Variants in RAB7A observed in about 807,000 individuals in gnomAD.
The protein encoded by RAB7A is ras-related protein Rab-7a.
In RAB7A, 2 loss-of-function variants were observed where a neutral mutation model predicts 24.5. That is an observed-to-expected ratio of 0.08 (90% CI 0.03 to 0.26). RAB7A has a LOEUF of 0.26. Among genes scored for constraint, RAB7A ranks in the 10% least tolerant of loss-of-function variants. The pLI is 1.00. For synonymous variants in RAB7A, 100 were observed against 95.9 expected (o/e 1.04, Z -0.25); for missense variants, 118 against 255.7 (o/e 0.46, Z 3.67).
At chr3:128,803,001 G>A (rs9883276) in intron 3 of RAB7A, among the ~76,000 whole-genome samples, 8,129 of 152,102 alleles carry the variant, frequency 0.053, 623 homozygotes, top group African/African-American at 0.17. Context: ...GTAGAAACGG[G>A]GTTTCACCAT....
At chr3:128,795,751 C>CTTTTTTTTTTTTTTTTTT (rs71153147) in intron 2 of RAB7A, among the ~76,000 whole-genome samples, 2,458 of 43,006 alleles carry the variant, frequency 0.057, 1,069 homozygotes, top group Non-Finnish European at 0.085. Context: ...AGCAGATGTG[C>CTTTTTTTTTTTTTTTTTT]TTTTTTTTTT....
At chr3:128,781,392 T>C (rs1933214910) in intron 1 of RAB7A, among the ~76,000 whole-genome samples, 1 of 152,172 alleles carries the variant, frequency 6.6e-6, no homozygotes, top group South Asian at 2.1e-4. Context: ...CAGCTGCCAC[T>C]TGGGGTAGCT....
intron 5 of RAB7A, among the ~76,000 whole-genome samples, chr3:128,809,995 C>T (rs1193279953): frequency 1.8e-5 from 2 of 108,740 alleles, no homozygotes; most frequent in African/African-American, 7.1e-5. Flanking sequence ...GTTCCCCAGG[C>T]TGGAATGCAA....
At chr3:128,789,366 C>G (rs925737526) in intron 1 of RAB7A, among the ~76,000 whole-genome samples, 1 of 139,398 alleles carries the variant, frequency 7.2e-6, no homozygotes, top group Non-Finnish European at 1.5e-5. Flanking sequence ...GACTTCATTT[C>G]GCTCTGTTGC....
At chr3:128,743,450 A>G (rs769993064) in intron 1 of RAB7A, among the ~76,000 whole-genome samples, 6 of 152,236 alleles carry the variant, frequency 3.9e-5, no homozygotes, top group Non-Finnish European at 8.8e-5. Flanking sequence ...GAGAGCGAGC[A>G]AGGGCCACCA....
intron 1 of RAB7A, 200 bp from the exon 2 acceptor site, chr3:128,795,160 G>A: frequency 3.2e-6 from 2 of 627,634 alleles, no homozygotes; most frequent in South Asian, 1.8e-5. Flanking sequence ...GCCCTGCTGT[G>A]CTGTTCTGCC....
chr3:128,726,675 G>T (rs1233636391), intron 1 of RAB7A, among the ~76,000 whole-genome samples: 2 of 152,218 alleles, frequency 1.3e-5, no homozygotes, highest in Non-Finnish European at 2.9e-5. Flanking sequence ...CCTGCGCCGC[G>T]GCAGGACGCG....
At chr3:128,797,897 G>C (rs1417774866) in intron 2 of RAB7A, 46 bp from the exon 3 acceptor site, 1 of 1,605,658 alleles carries the variant, frequency 6.2e-7, no homozygotes, top group African/African-American at 1.3e-5. Context: ...GTCAGTTTCA[G>C]GACCCTCCTA....
At chr3:128,812,355 T>C (rs1933946270) in intron 5 of RAB7A, among the ~76,000 whole-genome samples, 1 of 152,244 alleles carries the variant, frequency 6.6e-6, no homozygotes, top group Non-Finnish European at 1.5e-5. Context: ...CTTCAGGTGG[T>C]CGACCTGCTT....
chr3:128,737,825 GTTTTTTTTTTTTTTTTTTTT>G (rs56027163), intron 1 of RAB7A, among the ~76,000 whole-genome samples: 2 of 59,482 alleles, frequency 3.4e-5, no homozygotes, highest in Non-Finnish European at 6.0e-5. Context: ...TTTTTTTGTA[GTTTTTTTTTTTTTTTTTTTT>G]TTTTTTTTTT....
chr3:128,784,544 C>A (rs2107606428), intron 1 of RAB7A, among the ~76,000 whole-genome samples: 1 of 152,304 alleles, frequency 6.6e-6, no homozygotes. Context: ...TTAGAAATCT[C>A]CACAAGTCAG....
chr3:128,809,014 G>C (rs1933861876), intron 5 of RAB7A, among the ~76,000 whole-genome samples: 1 of 152,144 alleles, frequency 6.6e-6, no homozygotes, highest in South Asian at 2.1e-4. Flanking sequence ...CCAAGATGCA[G>C]ACTTGGCCAC....
chr3:128,777,511 A>G (rs905696923), intron 1 of RAB7A, among the ~76,000 whole-genome samples: 1 of 152,144 alleles, frequency 6.6e-6, no homozygotes, highest in Non-Finnish European at 1.5e-5. Context: ...ATAATACTTG[A>G]TAATAAAACA....
rs869119619 is a variant in RAB7A, at chr3:128,809,936, C to CTTTTTTTTTTTTTTTTTTTTT, written c.528+2275_528+2295dup. 2.1e-3 allele frequency among the ~76,000 whole-genome samples: 110 copies of CTTTTTTTTTTTTTTTTTTTTT among 52,252 alleles called. 30 individuals are homozygous for CTTTTTTTTTTTTTTTTTTTTT. Among genetic ancestry groups the CTTTTTTTTTTTTTTTTTTTTT allele is most frequent in the Non-Finnish European group, 2.6e-3 (77 of 29,580 alleles). 34.3% of individuals were successfully genotyped at this position (52,252 alleles called of 152,430 possible). A position where few individuals can be genotyped will look rare whatever the true frequency, so the allele number is the denominator to read the frequency against. Reference sequence around the variant, plus strand: ...GAGGCAAGTTTCCTCTTGCCACAGTCTTTTTTTTTTTTTTTTTTTTTTTTT... The same window carrying CTTTTTTTTTTTTTTTTTTTTT: ...GAGGCAAGTTTCCTCTTGCCACAGTCTTTTTTTTTTTTTTTTTTTTTTTTTTTTTTTTTTTTTTTTTTTTTT... On this transcript the variant is annotated intron_variant, in intron 5 of 5. Coordinates refer to ENST00000265062, the MANE Select transcript of RAB7A (RefSeq NM_004637.6).
At chr3:128,809,936 C>CTTT (rs869119619) in intron 5 of RAB7A, among the ~76,000 whole-genome samples, 719 of 52,236 alleles carry the variant, frequency 0.014, 186 homozygotes, top group Middle Eastern at 0.027. Flanking sequence ...TTGCCACAGT[C>CTTT]TTTTTTTTTT....
At chr3:128,765,046 T>G in intron 1 of RAB7A, 1 of 1,293,018 alleles carries the variant, frequency 7.7e-7, no homozygotes, top group Non-Finnish European at 1.1e-6. Context: ...GTGGCGGCGG[T>G]GGCTGCGCGG....
intron 1 of RAB7A, among the ~76,000 whole-genome samples, chr3:128,754,665 C>T (rs2070714379): frequency 6.6e-6 from 1 of 152,038 alleles, no homozygotes; most frequent in East Asian, 1.9e-4. Context: ...AAGAGACCCA[C>T]TTTAGATGAA....
At chr3:128,784,826 A>T (rs1933302572) in intron 1 of RAB7A, among the ~76,000 whole-genome samples, 1 of 152,108 alleles carries the variant, frequency 6.6e-6, no homozygotes, top group South Asian at 2.1e-4. Flanking sequence ...TGCATTTGGT[A>T]TGATTTCTCC....
intron 1 of RAB7A, among the ~76,000 whole-genome samples, chr3:128,743,535 T>G (rs1159074140): frequency 6.6e-6 from 1 of 152,102 alleles, no homozygotes; most frequent in Non-Finnish European, 1.5e-5. Context: ...AGAGATGGGG[T>G]CTCAGCTTGG....
Sources: gnomAD v4.1 joint callset for allele counts (sites outside exome capture counted in the v4.1 genomes callset) on GRCh38, gnomAD v4.1.1 for gene constraint, MANE v1.5 for transcripts, NCBI Gene and HGNC (gene_info 2026-07-23, HGNC 2026-07-21) for gene names.